The following PDE3A variants were observed in gnomAD, a reference collection of about 807,000 sequenced individuals.
PDE3A encodes phosphodiesterase 3A.
PDE3A carries 43 observed loss-of-function variants against 98.3 expected under a neutral mutation model. The ratio of observed to expected loss-of-function variants is 0.44; its 90% CI spans 0.34 to 0.56. The LOEUF is 0.56. Among genes scored for constraint, PDE3A ranks in the 20% least tolerant of loss-of-function variants. PDE3A has a pLI of 0.01. For synonymous variants in PDE3A, 663 were observed against 567.9 expected (o/e 1.17, Z -2.38); for missense variants, 1,427 against 1,440.7 (o/e 0.99, Z 0.15).
In PDE3A at chr12:20,413,487, G is replaced by C. The variant is rs534459539; in HGVS notation, c.960+43243G>C. Among the ~76,000 whole-genome samples, 9 of 152,270 alleles carry C rather than the reference G, an allele frequency of 5.9e-5. No individual in the cohort carries two copies. In the South Asian group the frequency reaches 1.9e-3, roughly 32 times the overall value. ...AAACAGAAATTTGGAACCCATGACT[G>C]TATTTCTCCTGTGGACACCCCCTGC... On this transcript the variant is annotated intron_variant, in intron 1 of 15. Transcript: ENST00000359062.
intron 12 of PDE3A, among the ~76,000 whole-genome samples, chr12:20,647,939 T>C (rs545763472): frequency 4.6e-5 from 7 of 152,152 alleles, no homozygotes; most frequent in Middle Eastern, 3.4e-3. Flanking sequence ...AGTGTTTTCT[T>C]TTTGTCCTAT....
chr12:20,627,130 G>A lies in PDE3A; in HGVS notation c.1541-2778G>A, dbSNP rs530212472. On this transcript the variant is annotated intron_variant, in intron 5 of 15. Transcript: ENST00000359062. ...AATGGACAATGTTCTCATGGGCTTTGAACTATTGTTCTGTTAAAAAAAAAA... is the reference window on the plus strand; with the variant it reads ...AATGGACAATGTTCTCATGGGCTTTAAACTATTGTTCTGTTAAAAAAAAAA... Among the ~76,000 whole-genome samples, 20 of 116,262 alleles carry A rather than the reference G, an allele frequency of 1.7e-4. No homozygotes were observed. The South Asian group carries it at 6.7e-3, about 39-fold the overall frequency. 76.3% of individuals were successfully genotyped at this position (116,262 alleles called of 152,430 possible).
At chr12:20,525,710 C>T (rs191229501) in intron 1 of PDE3A, among the ~76,000 whole-genome samples, 61 of 152,128 alleles carry the variant, frequency 4.0e-4, no homozygotes, top group Admixed American at 3.1e-3. Flanking sequence ...AAAATTTGAC[C>T]GACTACAAAA....
At chr12:20,643,624 AT>A (rs11304789) in intron 10 of PDE3A, among the ~76,000 whole-genome samples, 148,106 of 151,758 alleles carry the variant, frequency 0.98, 72,335 homozygotes, top group South Asian at 1. Context: ...TTGGTTAGTG[AT>A]TTTTTTTTTA....
intron 1 of PDE3A, among the ~76,000 whole-genome samples, chr12:20,543,158 T>C (rs1193954194): frequency 1.3e-5 from 2 of 151,938 alleles, no homozygotes; most frequent in Non-Finnish European, 2.9e-5. Flanking sequence ...CATGAGAAAA[T>C]TGCATTTTGT....
chr12:20,466,840 C>A (rs892066313), intron 1 of PDE3A, among the ~76,000 whole-genome samples: 1 of 152,082 alleles, frequency 6.6e-6, no homozygotes, highest in African/African-American at 2.4e-5. Flanking sequence ...ACTAAAGGTA[C>A]CTCTCTTTTC....
chr12:20,482,005 C>T (rs1364621556), intron 1 of PDE3A, among the ~76,000 whole-genome samples: 2 of 151,774 alleles, frequency 1.3e-5, no homozygotes, highest in Admixed American at 1.3e-4. Context: ...ACCTCGTGAT[C>T]CACCTGCCTC....
chr12:20,567,956 A>ATAAT (rs1419584811), intron 2 of PDE3A, among the ~76,000 whole-genome samples: 2 of 152,084 alleles, frequency 1.3e-5, no homozygotes, highest in Non-Finnish European at 2.9e-5. Flanking sequence ...CACATGATAA[A>ATAAT]TAATCATACC....
At chr12:20,663,291 G>A (rs575814158) in intron 15 of PDE3A, among the ~76,000 whole-genome samples, 17 of 152,310 alleles carry the variant, frequency 1.1e-4, no homozygotes, top group East Asian at 7.7e-4. Context: ...TGGGGTTGGC[G>A]CCACCACACA....
chr12:20,589,829 A>G (rs1223367597), intron 2 of PDE3A, among the ~76,000 whole-genome samples: 1 of 148,108 alleles, frequency 6.8e-6, no homozygotes, highest in Non-Finnish European at 1.5e-5. Flanking sequence ...AGATCGTGCC[A>G]CTGCACTCCA....
At chr12:20,666,452 C>G (rs1945315544) in intron 15 of PDE3A, among the ~76,000 whole-genome samples, 2 of 152,156 alleles carry the variant, frequency 1.3e-5, no homozygotes, top group Admixed American at 6.5e-5. Flanking sequence ...CCCTTCTCAG[C>G]TTCTGATGTC....
At chr12:20,581,143 C>T (rs1404976430) in intron 2 of PDE3A, among the ~76,000 whole-genome samples, 2 of 152,098 alleles carry the variant, frequency 1.3e-5, no homozygotes, top group Non-Finnish European at 2.9e-5. Context: ...ATGAAAAGCA[C>T]TCAGAACATT....
In PDE3A at chr12:20,552,383, A is replaced by T. The variant is rs1172238778; in HGVS notation, c.961-4277A>T. ...CGCTACCTTCTGCGGAGGGACGATG[A>T]TGAGCCCGGCCCTTGGACGAAGGAG... On this transcript the variant is annotated intron_variant, in intron 1 of 15. Transcript: ENST00000359062. The surrounding 1 kb of genome is among the most constrained non-coding windows in gnomAD (Gnocchi z 5.1). 8.7e-6 allele frequency: 14 copies of T among 1,613,490 alleles called. No individual in the cohort carries two copies. In the Middle Eastern group the frequency reaches 6.9e-4, roughly 80 times the overall value.
At chr12:20,610,566 C>A (rs917320729) in intron 2 of PDE3A, among the ~76,000 whole-genome samples, 2 of 151,988 alleles carry the variant, frequency 1.3e-5, no homozygotes, top group African/African-American at 4.8e-5. Context: ...TATCTGCACT[C>A]TCATGTTCAT....
intron 2 of PDE3A, among the ~76,000 whole-genome samples, chr12:20,583,253 C>A (rs1273979709): frequency 1.3e-5 from 2 of 152,106 alleles, no homozygotes; most frequent in Admixed American, 1.3e-4. Flanking sequence ...AATAAAAATT[C>A]AATTTTATTT....
chr12:20,670,496 A>C (rs897137039), intron 15 of PDE3A, among the ~76,000 whole-genome samples: 1 of 152,150 alleles, frequency 6.6e-6, no homozygotes, highest in African/African-American at 2.4e-5. Context: ...ATAACAAACT[A>C]TCTCTCAGAC....
chr12:20,483,070 T>C (rs1945659676), intron 1 of PDE3A, among the ~76,000 whole-genome samples: 1 of 152,114 alleles, frequency 6.6e-6, no homozygotes, highest in Non-Finnish European at 1.5e-5. Flanking sequence ...GGAGATTTGA[T>C]GCCTACATAT....
intron 2 of PDE3A, among the ~76,000 whole-genome samples, chr12:20,565,977 G>A (rs771446096): frequency 1.3e-5 from 2 of 151,812 alleles, no homozygotes; most frequent in Non-Finnish European, 2.9e-5. Context: ...AACAAAGGTG[G>A]TTTAGCAGTT....
At chr12:20,483,077 A>G (rs1249687072) in intron 1 of PDE3A, among the ~76,000 whole-genome samples, 3 of 152,090 alleles carry the variant, frequency 2.0e-5, no homozygotes, top group Non-Finnish European at 4.4e-5. Context: ...TGATGCCTAC[A>G]TATCAGTCTT....
Sources: gnomAD v4.1 joint callset for allele counts (sites outside exome capture counted in the v4.1 genomes callset) on GRCh38, gnomAD v4.1.1 for gene constraint, Gnocchi (gnomAD v3.1) non-coding constraint, MANE v1.5 for transcripts, NCBI Gene and HGNC (gene_info 2026-07-23, HGNC 2026-07-21) for gene names.